Variants in ATP11A observed in about 807,000 individuals in gnomAD.
The protein encoded by ATP11A is phospholipid-transporting ATPase IH.
ATP11A carries 81 observed loss-of-function variants against 154.4 expected under a neutral mutation model. The ratio of observed to expected loss-of-function variants is 0.52; its 90% CI spans 0.44 to 0.63. ATP11A has a LOEUF of 0.63. Among genes scored for constraint, ATP11A ranks in the 30% least tolerant of loss-of-function variants. The probability of loss-of-function intolerance (pLI) is 0.00; values close to 1 mark genes in which losing one functional copy is unlikely to be tolerated. For missense variants in ATP11A, 1,316 were observed against 1,474.3 expected, an observed-to-expected ratio of 0.89 and a Z score of 1.76; for synonymous variants, 623 against 585.9, an observed-to-expected ratio of 1.06 and a Z score of -0.91.
intron 1 of ATP11A, among the ~76,000 whole-genome samples, chr13:112,722,864 G>C (rs1389956363): frequency 3.3e-5 from 5 of 152,178 alleles, no homozygotes; most frequent in African/African-American, 7.2e-5. Flanking sequence ...ATGAGTGGAA[G>C]GTCGACGTGG....
chr13:112,770,102 C>T (rs551132738), intron 1 of ATP11A, among the ~76,000 whole-genome samples: 1 of 152,178 alleles, frequency 6.6e-6, no homozygotes, highest in Non-Finnish European at 1.5e-5. Flanking sequence ...CTCTGTGTCT[C>T]GACTCTTAGG....
chr13:112,765,145 C>CG (rs2077043620), intron 1 of ATP11A, among the ~76,000 whole-genome samples: 2 of 24,120 alleles, frequency 8.3e-5, no homozygotes, highest in Admixed American at 1.1e-3. Flanking sequence ...GCTGGCTTGC[C>CG]CCCCCTCCCC....
At chr13:112,770,647 G>A (rs563100592) in intron 1 of ATP11A, among the ~76,000 whole-genome samples, 1 of 152,174 alleles carries the variant, frequency 6.6e-6, no homozygotes, top group Non-Finnish European at 1.5e-5. Context: ...GTCCACCTGC[G>A]GAGGGCCTGT....
chr13:112,774,018 C>T (rs528868535), intron 1 of ATP11A, among the ~76,000 whole-genome samples: 63 of 152,332 alleles, frequency 4.1e-4, no homozygotes, highest in Non-Finnish European at 8.1e-4. Context: ...ACACAGTGCC[C>T]GCTGCCTCCC....
chr13:112,724,257 G>A (rs2139652594), intron 1 of ATP11A, among the ~76,000 whole-genome samples: 1 of 151,576 alleles, frequency 6.6e-6, no homozygotes, highest in East Asian at 2.0e-4. Flanking sequence ...CAGGTTATGG[G>A]CTCTGTCCCC....
Position 112,859,551 on chromosome 13 carries a change from A to G in ATP11A, c.2727+99A>G. The G allele has an allele frequency of 9.9e-7, 1 of 1,010,892 alleles. No individual in the cohort carries two copies. The highest frequency in any genetic ancestry group is 1.6e-6 in the Non-Finnish European group (1 of 641,204). The allele number at this position is 1,010,892 out of a possible 1,614,324, so 62.6% of individuals were successfully genotyped here. ...GAGGGGAGACTTGGGAATGAGCAGC[A>G]CTCCCCGGCACCACGAGGGAGCCAG... On this transcript the variant is annotated intron_variant, in intron 23 of 29. Coordinates refer to ENST00000375645, the MANE Select transcript of ATP11A (RefSeq NM_015205.3). This position sits in a 1 kb window ranked among gnomAD's most constrained non-coding sequence, Gnocchi z 4.3.
Position 112,690,477 on chromosome 13 carries a change from TG to T in ATP11A, c.39+27del, listed in dbSNP as rs1294935756. ...ATACGTGAGTGCTCCCGGCGCGGGC[TG>T]GGGGACCCGGGGACCAGACAGACGC... is the stretch of plus-strand genomic sequence containing the variant. On this transcript the variant is annotated intron_variant, in intron 1 of 29. Coordinates refer to ENST00000375645, the MANE Select transcript of ATP11A (RefSeq NM_015205.3). This position sits in a 1 kb window ranked among gnomAD's most constrained non-coding sequence, Gnocchi z 5.6. The T allele has an allele frequency of 3.0e-6, 4 of 1,335,902 alleles. No homozygotes were observed. The highest frequency in any genetic ancestry group is 2.2e-5 in the South Asian group (1 of 45,842). The allele number at this position is 1,335,902 out of a possible 1,614,324, so 82.8% of individuals were successfully genotyped here.
intron 8 of ATP11A, 49 bp from the exon 9 acceptor site, chr13:112,823,296 C>T (rs1351619453): frequency 4.7e-6 from 7 of 1,493,732 alleles, no homozygotes; most frequent in Non-Finnish European, 6.5e-6. Flanking sequence ...CCCCGCCCTG[C>T]CCACTTGCCT....
At chr13:112,868,318 A>C (rs1177740852) in intron 25 of ATP11A, among the ~76,000 whole-genome samples, 1 of 152,224 alleles carries the variant, frequency 6.6e-6, no homozygotes, top group East Asian at 1.9e-4. Flanking sequence ...GGCGCAAGTT[A>C]TGCTGGCCGT....
chr13:112,783,098 G>C lies in ATP11A; in HGVS notation c.40-2037G>C, dbSNP rs568552645. ...TGAATTACCGATGGAATTTATTAAAGCAAATGTGCAGACATTCACACAGCT... is the reference window on the plus strand; with the variant it reads ...TGAATTACCGATGGAATTTATTAAACCAAATGTGCAGACATTCACACAGCT... On this transcript the variant is annotated intron_variant, in intron 1 of 29. Coordinates refer to ENST00000375645, the MANE Select transcript of ATP11A (RefSeq NM_015205.3). Among the ~76,000 whole-genome samples the C allele has an allele frequency of 9.1e-4, 139 of 152,332 alleles. 1 individual carries two copies. Among genetic ancestry groups the C allele is most frequent in the African/African-American group, 3.2e-3 (134 of 41,582 alleles).
At position 112,836,184 on chromosome 13, in the gene ATP11A, A is replaced by G; in HGVS notation, c.1638A>G (p.Glu546=). The part of the protein sequence containing the change: ...LNRENHIERF[E]LLEILSFDSV... ...TTCTGCATTTCTCTTTCAGGTTTGA[A>G]TTGCTGGAAATTTTGAGTTTTGACT... Residue 546 remains glutamate (E), a synonymous_variant, in exon 16 of 30, where the codon GAA becomes GAG. Coordinates refer to ENST00000375645, the MANE Select transcript of ATP11A (RefSeq NM_015205.3). The G allele has an allele frequency of 6.2e-7, 1 of 1,612,136 alleles. No homozygotes were observed. The highest frequency in any genetic ancestry group is 1.3e-5 in the African/African-American group (1 of 75,006).
intron 15 of ATP11A, among the ~76,000 whole-genome samples, chr13:112,835,639 C>T (rs936877486): frequency 1.3e-5 from 2 of 152,252 alleles, no homozygotes; most frequent in African/African-American, 4.8e-5. Context: ...CGCAGCTTCC[C>T]ACTGAGTCCA....
intron 5 of ATP11A, chr13:112,811,604 T>C (rs1403966210): frequency 2.0e-5 from 3 of 152,024 alleles, no homozygotes; most frequent in Non-Finnish European, 2.9e-5. Flanking sequence ...TTAAAAAAAA[T>C]GTATTTATTT....
At chr13:112,822,539 C>G (rs1287284419) in intron 8 of ATP11A, among the ~76,000 whole-genome samples, 2 of 152,014 alleles carry the variant, frequency 1.3e-5, no homozygotes, top group African/African-American at 4.8e-5. Flanking sequence ...GCCTTTGTCT[C>G]CAGGAATAAG....
At position 112,781,514 on chromosome 13, in the gene ATP11A, C is replaced by T. The variant is rs150946117; in HGVS notation, c.40-3621C>T. Reference sequence around the variant, plus strand: ...GACCACGAAGGTTGGGCCTCCTAATCCCTTCATGTCGCTGCTGACAACATT... The same window carrying T: ...GACCACGAAGGTTGGGCCTCCTAATTCCTTCATGTCGCTGCTGACAACATT... On this transcript the variant is annotated intron_variant, in intron 1 of 29. Coordinates refer to ENST00000375645, the MANE Select transcript of ATP11A (RefSeq NM_015205.3). Among the ~76,000 whole-genome samples the T allele has an allele frequency of 9.3e-4, 142 of 152,018 alleles. 1 individual carries two copies. The highest frequency in any genetic ancestry group is 1.8e-3 in the Admixed American group (28 of 15,292).
intron 26 of ATP11A, 74 bp from the exon 27 acceptor site, chr13:112,873,499 C>G: frequency 8.5e-7 from 1 of 1,181,596 alleles, no homozygotes; most frequent in Non-Finnish European, 1.2e-6. Flanking sequence ...CCCCCCGGCT[C>G]TCTGTCCTGC....
intron 13 of ATP11A, 137 bp from the exon 14 acceptor site, chr13:112,832,723 C>T (rs1456312139): frequency 1.0e-5 from 9 of 902,976 alleles, no homozygotes; most frequent in Admixed American, 2.2e-5. Context: ...CTGTATAACC[C>T]CTCACCGCCC....
rs751075008 is a variant in ATP11A at position 112,856,045 on chromosome 13, C to T, written c.2378C>T (p.Ala793Val). ...LFLEICRSCS[A>V]VLCCRMAPLQ... Reference sequence around the variant, plus strand: ...CTGGAAATCTGCCGGAGCTGCAGCGCGGTGCTCTGCTGCCGCATGGCGCCC... The same window carrying T: ...CTGGAAATCTGCCGGAGCTGCAGCGTGGTGCTCTGCTGCCGCATGGCGCCC... The change falls in exon 20 of 30, where the codon GCG becomes GTG. Residue 793 changes from alanine (A) to valine (V), a missense_variant. Transcript: ENST00000375645. 22 of 1,613,800 alleles carry T rather than the reference C, an allele frequency of 1.4e-5. No homozygotes were observed. Among genetic ancestry groups the T allele is most frequent in the East Asian group, 2.2e-5 (1 of 44,896 alleles).
At chr13:112,735,863 T>C (rs1274415430) in intron 1 of ATP11A, among the ~76,000 whole-genome samples, 1 of 152,232 alleles carries the variant, frequency 6.6e-6, no homozygotes, top group Non-Finnish European at 1.5e-5. Context: ...AAGGAGCACC[T>C]GACTTTTCCG....
Sources: allele counts gnomAD v4.1 joint callset (sites outside exome capture counted in the v4.1 genomes callset), GRCh38; gene constraint gnomAD v4.1.1; non-coding constraint Gnocchi (gnomAD v3.1); transcripts MANE v1.5; gene names NCBI Gene and HGNC (gene_info 2026-07-23, HGNC 2026-07-21).